CCSER1: variants seen among roughly 807,000 people sequenced by gnomAD.
CCSER1 encodes the protein coiled-coil serine rich protein 1, also known as serine-rich coiled-coil domain-containing protein 1.
A neutral mutation model predicts 82.0 loss-of-function variants in CCSER1; 41 were observed. The ratio of observed to expected loss-of-function variants is 0.50; its 90% confidence interval spans 0.39 to 0.65. The LOEUF (loss-of-function observed/expected upper bound fraction) is 0.65, where lower values mean the gene tolerates loss of function less well. Among genes scored for constraint, CCSER1 ranks in the 30% least tolerant of loss-of-function variants. The probability of loss-of-function intolerance (pLI) is 0.00; values close to 1 mark genes in which losing one functional copy is unlikely to be tolerated. For synonymous variants in CCSER1, 414 were observed against 383.9 expected, an observed-to-expected ratio of 1.08 and a Z score of -0.92; for missense variants, 1,119 against 1,064.2, an observed-to-expected ratio of 1.05 and a Z score of -0.72.
intron 1 of CCSER1, among the ~76,000 whole-genome samples, chr4:90,305,439 T>C (rs1251790349): frequency 6.6e-6 from 1 of 152,184 alleles, no homozygotes; most frequent in African/African-American, 2.4e-5. Flanking sequence ...AAATGTTGTA[T>C]ATAAGTGAAA....
chr4:90,495,902 A>G (rs1177924590), intron 5 of CCSER1, among the ~76,000 whole-genome samples: 1 of 152,218 alleles, frequency 6.6e-6, no homozygotes, highest in Non-Finnish European at 1.5e-5. Context: ...TGCTTTTACC[A>G]CAGAAAGACA....
chr4:91,170,370 A>T (rs191755418), intron 10 of CCSER1, among the ~76,000 whole-genome samples: 3 of 152,328 alleles, frequency 2.0e-5, no homozygotes, highest in Non-Finnish European at 4.4e-5. Flanking sequence ...GAGCAGGAAA[A>T]GCATATGCCA....
chr4:90,865,928 T>C (rs1201910793), intron 8 of CCSER1, among the ~76,000 whole-genome samples: 1 of 151,928 alleles, frequency 6.6e-6, no homozygotes, highest in Non-Finnish European at 1.5e-5. Flanking sequence ...GGCCTCAGGA[T>C]ACTTTCAATC....
chr4:91,406,364 A>G (rs1752701857), intron 10 of CCSER1, among the ~76,000 whole-genome samples: 1 of 152,210 alleles, frequency 6.6e-6, no homozygotes, highest in Non-Finnish European at 1.5e-5. Context: ...TTTCCAGTAT[A>G]CTATATTGTT....
chr4:91,038,247 A>G (rs1741621964), intron 9 of CCSER1, among the ~76,000 whole-genome samples: 1 of 152,180 alleles, frequency 6.6e-6, no homozygotes, highest in African/African-American at 2.4e-5. Flanking sequence ...TTTTCATTAC[A>G]TTTCATTTAT....
intron 10 of CCSER1, among the ~76,000 whole-genome samples, chr4:91,354,648 C>A (rs112895964): frequency 7.2e-5 from 11 of 152,058 alleles, no homozygotes; most frequent in Admixed American, 7.2e-4. Flanking sequence ...GCAATACTGT[C>A]CAATAATTGA....
chr4:91,538,443 T>TA (rs1368087165), intron 10 of CCSER1, among the ~76,000 whole-genome samples: 8 of 151,194 alleles, frequency 5.3e-5, no homozygotes, highest in African/African-American at 1.9e-4. Context: ...ACCAAAAAAA[T>TA]AAAAAACAGC....
intron 1 of CCSER1, among the ~76,000 whole-genome samples, chr4:90,300,994 T>G (rs1044944502): frequency 3.3e-5 from 5 of 151,940 alleles, no homozygotes; most frequent in Non-Finnish European, 5.9e-5. Context: ...CCTAGTTAAT[T>G]AATTTTTTTT....
At chr4:91,117,293 A>G (rs1366210737) in intron 10 of CCSER1, among the ~76,000 whole-genome samples, 2 of 152,320 alleles carry the variant, frequency 1.3e-5, no homozygotes, top group East Asian at 1.9e-4. Context: ...TTCCTGAGAC[A>G]TCATAGTGTT....
rs112451868 is a variant in CCSER1, at chr4:91,462,373, A to G, written c.2218-136199A>G. ...TCTGTGAAATAAAAGAAAATATGGG[A>G]AGGGTGGTTCCAAGATGGCCGAATA... is the stretch of plus-strand genomic sequence containing the variant. On this transcript the variant is annotated intron_variant, in intron 10 of 10. Transcript: ENST00000509176. Among the ~76,000 whole-genome samples the G allele has an allele frequency of 6.6e-5, 10 of 152,168 alleles. 1 individual carries two copies. Among genetic ancestry groups the G allele is most frequent in the African/African-American group, 2.4e-4 (10 of 41,514 alleles).
chr4:91,369,385 T>C (rs1185034162), intron 10 of CCSER1, among the ~76,000 whole-genome samples: 1 of 152,220 alleles, frequency 6.6e-6, no homozygotes, highest in Non-Finnish European at 1.5e-5. Flanking sequence ...GGGGTGGTTT[T>C]TCACTTCAGG....
chr4:91,160,052 C>A (rs999227178), intron 10 of CCSER1, among the ~76,000 whole-genome samples: 4 of 151,852 alleles, frequency 2.6e-5, no homozygotes, highest in South Asian at 2.1e-4. Context: ...CCCCCTGCCC[C>A]CACCCCATGA....
At chr4:91,499,401 G>C (rs898402450) in intron 10 of CCSER1, among the ~76,000 whole-genome samples, 1 of 151,840 alleles carries the variant, frequency 6.6e-6, no homozygotes, top group Non-Finnish European at 1.5e-5. Context: ...GCCCCTACAC[G>C]TGCACAGCCA....
chr4:90,774,683 A>G (rs1053045142), intron 7 of CCSER1, among the ~76,000 whole-genome samples: 13 of 152,060 alleles, frequency 8.5e-5, no homozygotes, highest in African/African-American at 2.4e-4. Flanking sequence ...GCTGTTAGCC[A>G]TACTGTCTAA....
intron 9 of CCSER1, among the ~76,000 whole-genome samples, chr4:91,023,659 A>G (rs566784605): frequency 2.0e-5 from 3 of 152,302 alleles, no homozygotes; most frequent in South Asian, 4.1e-4. Context: ...AATTAATTCA[A>G]GTTGGATTAA....
intron 7 of CCSER1, among the ~76,000 whole-genome samples, chr4:90,757,329 T>C (rs566229027): frequency 6.6e-6 from 1 of 152,322 alleles, no homozygotes; most frequent in East Asian, 1.9e-4. Context: ...AAAGTTACTG[T>C]CCTTTTAAAG....
intron 8 of CCSER1, among the ~76,000 whole-genome samples, chr4:90,869,268 C>A (rs1363955018): frequency 6.6e-6 from 1 of 151,892 alleles, no homozygotes; most frequent in Non-Finnish European, 1.5e-5. Flanking sequence ...CTCAAGAAAT[C>A]TTTACCCAGA....
chr4:91,553,970 A>T (rs142578182), intron 10 of CCSER1, among the ~76,000 whole-genome samples: 57 of 150,532 alleles, frequency 3.8e-4, no homozygotes, highest in Admixed American at 6.6e-4. Context: ...TAATGTGTAT[A>T]GCTTATTGTT....
intron 8 of CCSER1, among the ~76,000 whole-genome samples, chr4:90,887,698 A>G (rs1561308119): frequency 1.3e-5 from 2 of 152,156 alleles, no homozygotes; most frequent in African/African-American, 2.4e-5. Context: ...CCTGGCCAAC[A>G]TGGTGTAACC....
Sources: gnomAD v4.1 joint callset for allele counts (sites outside exome capture counted in the v4.1 genomes callset) on GRCh38, gnomAD v4.1.1 for gene constraint, MANE v1.5 for transcripts, NCBI Gene and HGNC (gene_info 2026-07-23, HGNC 2026-07-21) for gene names.